Variants in ARHGAP15 observed in about 807,000 individuals in gnomAD.
ARHGAP15 encodes rho GTPase-activating protein 15.
A neutral mutation model predicts 63.7 loss-of-function variants in ARHGAP15; 51 were observed. The ratio of observed to expected loss-of-function variants is 0.80; its 90% confidence interval spans 0.64 to 1.01. The LOEUF is 1.01. ARHGAP15 is among the 50% of genes least tolerant of loss of function. The pLI, the probability that ARHGAP15 is intolerant of heterozygous loss-of-function variation, is 0.00. For synonymous variants in ARHGAP15, 191 were observed against 193.8 expected, an observed-to-expected ratio of 0.99 and a Z score of 0.12; for missense variants, 560 against 564.6, an observed-to-expected ratio of 0.99 and a Z score of 0.08.
chr2:143,401,522 T>G (rs1043352352), intron 6 of ARHGAP15, among the ~76,000 whole-genome samples: 1 of 152,028 alleles, frequency 6.6e-6, no homozygotes, highest in South Asian at 2.1e-4. Flanking sequence ...TTCTAAAAAA[T>G]GAATTGGTAT....
At chr2:143,435,322 G>C in intron 6 of ARHGAP15, 1 of 1,077,630 alleles carries the variant, frequency 9.3e-7, no homozygotes, top group Non-Finnish European at 1.1e-6. Flanking sequence ...TGAACTTCCT[G>C]GCTTGTTTCT....
At chr2:143,380,695 G>T (rs1687023204) in intron 6 of ARHGAP15, among the ~76,000 whole-genome samples, 1 of 152,040 alleles carries the variant, frequency 6.6e-6, no homozygotes, top group Admixed American at 6.6e-5. Context: ...ATAAAATGAA[G>T]CCTTTAAAGT....
Position 143,435,685 on chromosome 2 carries a change from G to T in ARHGAP15, c.559G>T (p.Ala187Ser). The T allele has an allele frequency of 6.3e-7, 1 of 1,597,514 alleles. No individual in the cohort carries two copies. ...GGATTGGTTCCACGCTATCAAAAAT[G>T]CAATTGACAGATTGGTATGTATTTG... ...ILDWFHAIKN[A>S]IDRLPKDSSC... Residue 187 changes from alanine (A) to serine (S), a missense_variant, in exon 7 of 14, where the codon GCA (alanine) becomes TCA (serine). Transcript: ENST00000295095.
chr2:143,330,134 A>AAAAAAAC (rs1684476262), intron 6 of ARHGAP15, among the ~76,000 whole-genome samples: 1 of 30,118 alleles, frequency 3.3e-5, no homozygotes, highest in Non-Finnish European at 9.7e-5. Context: ...AAAAAAAACC[A>AAAAAAAC]AAAACAAAAA....
chr2:143,649,968 C>T (rs1324477092), intron 12 of ARHGAP15, among the ~76,000 whole-genome samples: 1 of 151,904 alleles, frequency 6.6e-6, no homozygotes, highest in Non-Finnish European at 1.5e-5. Flanking sequence ...TCACTAAAAA[C>T]TATTTTTACC....
chr2:143,335,414 G>A (rs777806322), intron 6 of ARHGAP15, among the ~76,000 whole-genome samples: 6 of 152,146 alleles, frequency 3.9e-5, no homozygotes, highest in East Asian at 3.9e-4. Context: ...GAGTCAGAGC[G>A]GCTGATTAGA....
chr2:143,730,889 C>A (rs555935065), intron 13 of ARHGAP15, among the ~76,000 whole-genome samples: 164 of 94,578 alleles, frequency 1.7e-3, no homozygotes, highest in African/African-American at 6.5e-3. Flanking sequence ...TAGAGCACTC[C>A]TTTAAAAAAA....
At chr2:143,635,764 T>C (rs1257757967) in intron 12 of ARHGAP15, among the ~76,000 whole-genome samples, 2 of 152,122 alleles carry the variant, frequency 1.3e-5, no homozygotes, top group African/African-American at 4.8e-5. Context: ...ATGAATACAC[T>C]ATTATAGAAA....
At chr2:143,196,243 G>A (rs1164098237) in intron 2 of ARHGAP15, among the ~76,000 whole-genome samples, 1 of 151,808 alleles carries the variant, frequency 6.6e-6, no homozygotes, top group Non-Finnish European at 1.5e-5. Flanking sequence ...TGATAAATAA[G>A]GAAAAACACA....
intron 9 of ARHGAP15, chr2:143,519,021 A>C (rs1405010070): frequency 6.0e-6 from 2 of 330,838 alleles, no homozygotes; most frequent in Admixed American, 8.9e-5. Flanking sequence ...ACTATAACTT[A>C]CATAGTCATC....
chr2:143,409,557 ACCTATATAC>A (rs2105018314), intron 6 of ARHGAP15, among the ~76,000 whole-genome samples: 1 of 152,106 alleles, frequency 6.6e-6, no homozygotes, highest in Admixed American at 6.5e-5. Context: ...GTTATTATTC[ACCTATATAC>A]CCCCAGTACA....
At chr2:143,466,918 C>A (rs897695910) in intron 8 of ARHGAP15, among the ~76,000 whole-genome samples, 1 of 152,046 alleles carries the variant, frequency 6.6e-6, no homozygotes, top group East Asian at 1.9e-4. Flanking sequence ...TCATTCCAAA[C>A]ACAAAAATGA....
intron 10 of ARHGAP15, among the ~76,000 whole-genome samples, chr2:143,530,326 A>T (rs1574585530): frequency 6.6e-6 from 1 of 152,144 alleles, no homozygotes; most frequent in East Asian, 1.9e-4. Flanking sequence ...AATCTTGAAT[A>T]GGATAGGACG....
At chr2:143,599,976 C>A (rs1441360527) in intron 11 of ARHGAP15, among the ~76,000 whole-genome samples, 1 of 152,086 alleles carries the variant, frequency 6.6e-6, no homozygotes, top group African/African-American at 2.4e-5. Flanking sequence ...AAAGTAATTT[C>A]TTTCCTATCC....
At chr2:143,232,147 A>G (rs1693471656) in intron 5 of ARHGAP15, among the ~76,000 whole-genome samples, 1 of 152,198 alleles carries the variant, frequency 6.6e-6, no homozygotes, top group Non-Finnish European at 1.5e-5. Context: ...GTGAGTTAGT[A>G]AAGGAGAAGG....
intron 6 of ARHGAP15, among the ~76,000 whole-genome samples, chr2:143,406,031 A>T (rs1401034327): frequency 6.6e-6 from 1 of 151,838 alleles, no homozygotes; most frequent in East Asian, 1.9e-4. Context: ...GGGAGTTTTC[A>T]TCTGTCAGAT....
intron 12 of ARHGAP15, chr2:143,640,747 A>T (rs1680561234): frequency 6.6e-6 from 1 of 152,136 alleles, no homozygotes; most frequent in African/African-American, 2.4e-5. Context: ...AGAATATAAT[A>T]AACATGACTG....
At chr2:143,595,282 T>C (rs1697468056) in intron 11 of ARHGAP15, among the ~76,000 whole-genome samples, 1 of 152,142 alleles carries the variant, frequency 6.6e-6, no homozygotes, top group Non-Finnish European at 1.5e-5. Context: ...TTAAAATATT[T>C]TCAACTTTGC....
At chr2:143,410,757 G>A (rs951866325) in intron 6 of ARHGAP15, among the ~76,000 whole-genome samples, 1 of 150,810 alleles carries the variant, frequency 6.6e-6, no homozygotes, top group African/African-American at 2.4e-5. Context: ...TAAATAGGGT[G>A]GCCAGAGAAG....
Sources: gnomAD v4.1 joint callset for allele counts (sites outside exome capture counted in the v4.1 genomes callset) on GRCh38, gnomAD v4.1.1 for gene constraint, MANE v1.5 for transcripts, NCBI Gene and HGNC (gene_info 2026-07-23, HGNC 2026-07-21) for gene names.